Variants in NR2F1-AS1 observed in about 807,000 individuals in gnomAD.
The protein encoded by NR2F1-AS1 is NR2F1 regulatory antisense RNA 1.
intron 2 of NR2F1-AS1, among the ~76,000 whole-genome samples, chr5:93,561,262 A>T (rs890532256): frequency 6.6e-6 from 1 of 152,200 alleles, no homozygotes. Flanking sequence ...CATCTCCAAA[A>T]AAAAAATAAA....
intron 4 of NR2F1-AS1, among the ~76,000 whole-genome samples, chr5:93,528,834 T>C (rs1023160571): frequency 7.0e-6 from 1 of 142,880 alleles, no homozygotes; most frequent in Non-Finnish European, 1.5e-5. Context: ...CACTCATAAG[T>C]GGGAATTGAA....
intron 4 of NR2F1-AS1, among the ~76,000 whole-genome samples, chr5:93,527,863 C>T (rs1751653464): frequency 6.6e-6 from 1 of 152,176 alleles, no homozygotes; most frequent in Admixed American, 6.6e-5. Context: ...GGATTAAAGA[C>T]TTAAATGTAA....
At chr5:93,439,822 T>C in intron 4 of NR2F1-AS1, among the ~76,000 whole-genome samples, 1 of 152,188 alleles carries the variant, frequency 6.6e-6, no homozygotes, top group Non-Finnish European at 1.5e-5. Context: ...AAAGTAGCAT[T>C]GGATGTCTTT....
chr5:93,537,973 T>C (rs1039177111), intron 4 of NR2F1-AS1, among the ~76,000 whole-genome samples: 1 of 152,114 alleles, frequency 6.6e-6, no homozygotes, highest in Non-Finnish European at 1.5e-5. Flanking sequence ...AAGATGTGCA[T>C]GGTAGGTGAA....
At chr5:93,448,208 C>A (rs973089158) in intron 4 of NR2F1-AS1, among the ~76,000 whole-genome samples, 1 of 151,850 alleles carries the variant, frequency 6.6e-6, no homozygotes, top group Non-Finnish European at 1.5e-5. Context: ...AAAAAAAATG[C>A]TTGCTGACTC....
chr5:93,541,847 G>A (rs1751956903), intron 4 of NR2F1-AS1: 1 of 151,208 alleles, frequency 6.6e-6, no homozygotes, highest in Admixed American at 6.6e-5. Context: ...AAATTTAAGG[G>A]GGTGTCAAAA....
chr5:93,448,961 A>G (rs1469867879), intron 4 of NR2F1-AS1, among the ~76,000 whole-genome samples: 1 of 152,220 alleles, frequency 6.6e-6, no homozygotes, highest in Non-Finnish European at 1.5e-5. Context: ...TAATCACAGT[A>G]GGTAGGTAGC....
chr5:93,502,520 C>A (rs770695960), intron 4 of NR2F1-AS1, among the ~76,000 whole-genome samples: 27 of 152,062 alleles, frequency 1.8e-4, no homozygotes, highest in Non-Finnish European at 5.9e-5. Flanking sequence ...TCTGTCAGGA[C>A]AGGATATGTG....
At chr5:93,546,388 T>G (rs1046413061) in intron 4 of NR2F1-AS1, among the ~76,000 whole-genome samples, 3 of 152,152 alleles carry the variant, frequency 2.0e-5, no homozygotes, top group Non-Finnish European at 4.4e-5. Context: ...ATATAAATTA[T>G]TTAAAGAGAA....
rs555293918 is a variant in NR2F1-AS1 at position 93,426,308 on chromosome 5, A to G, written n.639-30766T>C. ...AGTGACCCTTCCACCTTGACCTCCC[A>G]AAGTGCTGGAATTACAGGCATCAGC... On this transcript the variant is annotated intron_variant and non_coding_transcript_variant, in intron 4 of 5. Coordinates refer to ENST00000660523, the Ensembl canonical transcript of NR2F1-AS1. 3.5e-4 allele frequency among the ~76,000 whole-genome samples: 53 copies of G among 151,938 alleles called. 1 individual carries two copies. Among genetic ancestry groups the G allele is most frequent in the Middle Eastern group, 6.8e-3 (2 of 294 alleles).
chr5:93,484,880 T>C (rs929528410), intron 4 of NR2F1-AS1, among the ~76,000 whole-genome samples: 3 of 151,858 alleles, frequency 2.0e-5, no homozygotes, highest in East Asian at 1.9e-4. Flanking sequence ...GCATTGCATA[T>C]TGGTGAAGGA....
intron 4 of NR2F1-AS1, chr5:93,410,354 G>T (rs1285086900): frequency 6.6e-6 from 1 of 152,262 alleles, no homozygotes; most frequent in Non-Finnish European, 1.5e-5. Flanking sequence ...CAGGCCCCTA[G>T]GGCTGGGGTC....
At chr5:93,524,330 A>C (rs1751565886) in intron 4 of NR2F1-AS1, among the ~76,000 whole-genome samples, 1 of 152,114 alleles carries the variant, frequency 6.6e-6, no homozygotes, top group African/African-American at 2.4e-5. Context: ...AGGAATGAAC[A>C]AAGCCTCCAA....
At chr5:93,539,548 C>CA (rs1751906922) in intron 4 of NR2F1-AS1, among the ~76,000 whole-genome samples, 1 of 151,596 alleles carries the variant, frequency 6.6e-6, no homozygotes, top group African/African-American at 2.4e-5. Context: ...GCTGAATCTT[C>CA]AAAAAAAATT....
At position 93,559,278 on chromosome 5, in the gene NR2F1-AS1, C is replaced by T. The variant is rs150031813; in HGVS notation, n.413+4086G>A. Among the ~76,000 whole-genome samples, 39 of 152,336 alleles carry T rather than the reference C, an allele frequency of 2.6e-4. 1 individual carries two copies. The highest frequency in any genetic ancestry group is 8.9e-4 in the African/African-American group (37 of 41,576). ...TCTCTCCTTAAGCCTCATGAACCAA[C>T]TTCTGCTAGCTTCAGTCATTTTCTG... On this transcript the variant is annotated intron_variant and non_coding_transcript_variant, in intron 2 of 5. Transcript: ENST00000660523.
intron 4 of NR2F1-AS1, among the ~76,000 whole-genome samples, chr5:93,447,658 G>A (rs1053419778): frequency 1.3e-5 from 2 of 152,062 alleles, no homozygotes; most frequent in Non-Finnish European, 2.9e-5. Flanking sequence ...GATTCCTCAA[G>A]GATCTACAAC....
chr5:93,459,765 T>C (rs1285943001), intron 4 of NR2F1-AS1, among the ~76,000 whole-genome samples: 1 of 151,526 alleles, frequency 6.6e-6, no homozygotes, highest in Non-Finnish European at 1.5e-5. Flanking sequence ...AAGTAAGGAG[T>C]CTTTTTCTTG....
chr5:93,484,246 G>A (rs1486639687), intron 4 of NR2F1-AS1, among the ~76,000 whole-genome samples: 8 of 152,156 alleles, frequency 5.3e-5, no homozygotes, highest in Non-Finnish European at 7.3e-5. Context: ...GACTAACAGC[G>A]GATCTCTCTG....
intron 4 of NR2F1-AS1, among the ~76,000 whole-genome samples, chr5:93,495,646 T>C (rs1750943642): frequency 6.6e-6 from 1 of 152,064 alleles, no homozygotes; most frequent in African/African-American, 2.4e-5. Context: ...AAATTGGACC[T>C]CAAAGTTTTG....
Sources: gnomAD v4.1 joint callset for allele counts (sites outside exome capture counted in the v4.1 genomes callset) on GRCh38, gnomAD v4.1.1 for gene constraint, MANE v1.5 for transcripts, NCBI Gene and HGNC (gene_info 2026-07-23, HGNC 2026-07-21) for gene names.